WDFY2: variants seen among roughly 807,000 people sequenced by gnomAD.
The protein encoded by WDFY2 is WD repeat and FYVE domain containing 2, also known as WD repeat and FYVE domain-containing protein 2.
WDFY2 carries 36 observed loss-of-function variants against 56.4 expected under a neutral mutation model. The observed-to-expected ratio is 0.64, with a 90% CI of 0.49 to 0.84. The LOEUF is 0.84. Among genes scored for constraint, WDFY2 ranks in the 40% least tolerant of loss-of-function variants. The pLI is 0.00. For missense variants in WDFY2, 444 were observed against 512.2 expected, an observed-to-expected ratio of 0.87 and a Z score of 1.29; for synonymous variants, 176 against 183.7, an observed-to-expected ratio of 0.96 and a Z score of 0.34.
chr13:51,592,275 C>T (rs2138289522), intron 1 of WDFY2: 1 of 152,196 alleles, frequency 6.6e-6, no homozygotes, highest in Non-Finnish European at 1.5e-5. Context: ...TGATGCATCA[C>T]ATCTAAATTA....
At chr13:51,606,535 T>C (rs1416879531) in intron 1 of WDFY2, among the ~76,000 whole-genome samples, 1 of 152,162 alleles carries the variant, frequency 6.6e-6, no homozygotes, top group Non-Finnish European at 1.5e-5. Flanking sequence ...TGTGGAAAAT[T>C]TACCTTTCAC....
intron 3 of WDFY2, among the ~76,000 whole-genome samples, chr13:51,684,372 T>C (rs1257789462): frequency 1.3e-5 from 2 of 151,892 alleles, no homozygotes; most frequent in Admixed American, 1.3e-4. Context: ...TTTGGTGTTT[T>C]TTTTTTTTTT....
At chr13:51,600,845 A>G (rs189732182) in intron 1 of WDFY2, among the ~76,000 whole-genome samples, 118 of 152,312 alleles carry the variant, frequency 7.7e-4, no homozygotes, top group Non-Finnish European at 1.0e-3. Flanking sequence ...TAGCGGAATA[A>G]TGAACACTCA....
intron 3 of WDFY2, among the ~76,000 whole-genome samples, chr13:51,698,174 T>G: frequency 6.6e-6 from 1 of 152,226 alleles, no homozygotes; most frequent in African/African-American, 2.4e-5. Context: ...CACCGTGCTT[T>G]GCTATCTTTA....
intron 1 of WDFY2, among the ~76,000 whole-genome samples, chr13:51,593,008 A>T (rs1179065179): frequency 6.6e-6 from 1 of 152,216 alleles, no homozygotes; most frequent in Non-Finnish European, 1.5e-5. Context: ...ATTACTGCTC[A>T]TAGATCCCTT....
intron 6 of WDFY2, among the ~76,000 whole-genome samples, 164 bp from the exon 7 acceptor site, chr13:51,738,885 G>A (rs1483678404): frequency 6.6e-6 from 1 of 152,080 alleles, no homozygotes; most frequent in East Asian, 1.9e-4. Flanking sequence ...GAATTTCCTT[G>A]GAGCCAACTT....
intron 1 of WDFY2, chr13:51,592,016 T>G (rs1470580958): frequency 1.4e-5 from 2 of 139,474 alleles, no homozygotes; most frequent in African/African-American, 5.1e-5. Flanking sequence ...GGGGGAGGGA[T>G]AGCATTAGGA....
chr13:51,586,808 G>A (rs1048994272), intron 1 of WDFY2: 1 of 152,004 alleles, frequency 6.6e-6, no homozygotes, highest in African/African-American at 2.4e-5. Context: ...TGTTAAATAA[G>A]GTTCACCCAT....
chr13:51,611,606 C>CT (rs1954504562), intron 1 of WDFY2, among the ~76,000 whole-genome samples: 1 of 152,190 alleles, frequency 6.6e-6, no homozygotes, highest in Non-Finnish European at 1.5e-5. Flanking sequence ...CTGCTTCATT[C>CT]TTTCTTGCTG....
At chr13:51,680,106 ATTTG>A (rs1208007327) in intron 3 of WDFY2, among the ~76,000 whole-genome samples, 3 of 151,480 alleles carry the variant, frequency 2.0e-5, no homozygotes, top group African/African-American at 7.3e-5. Context: ...ACGGATGTTT[ATTTG>A]TTTGTTTTAG....
intron 1 of WDFY2, among the ~76,000 whole-genome samples, chr13:51,623,840 G>C (rs1036156683): frequency 2.1e-5 from 3 of 143,242 alleles, no homozygotes; most frequent in Non-Finnish European, 4.6e-5. Context: ...TTTTTACAGA[G>C]TTTTTTTTTT....
chr13:51,753,601 G>C (rs903762028), intron 8 of WDFY2, among the ~76,000 whole-genome samples: 3 of 152,098 alleles, frequency 2.0e-5, no homozygotes, highest in African/African-American at 7.2e-5. Context: ...ACGTGTGTAA[G>C]ACTTTTTTTT....
At chr13:51,584,956 T>G (rs2138272252) in intron 1 of WDFY2, 132 bp downstream of exon 1, 1,073 of 1,107,334 alleles carry the variant, frequency 9.7e-4, no homozygotes, top group East Asian at 1.3e-3. Flanking sequence ...GTAATGCGCA[T>G]CCTGGTGGTG....
At chr13:51,710,523 G>A (rs1952188607) in intron 4 of WDFY2, among the ~76,000 whole-genome samples, 1 of 152,142 alleles carries the variant, frequency 6.6e-6, no homozygotes, top group Non-Finnish European at 1.5e-5. Context: ...TGACATGATT[G>A]TGTATCTAGA....
intron 1 of WDFY2, among the ~76,000 whole-genome samples, chr13:51,627,444 C>T (rs1298915968): frequency 6.6e-6 from 1 of 152,116 alleles, no homozygotes; most frequent in Non-Finnish European, 1.5e-5. Flanking sequence ...TCTTGGCTCA[C>T]TGCAATCTCC....
chr13:51,646,181 G>A (rs536390878), intron 1 of WDFY2, among the ~76,000 whole-genome samples: 3 of 152,300 alleles, frequency 2.0e-5, no homozygotes, highest in East Asian at 1.9e-4. Context: ...AAGAACAAGC[G>A]TGGTTTTGTG....
intron 1 of WDFY2, among the ~76,000 whole-genome samples, chr13:51,617,990 CTA>C (rs1373018460): frequency 1.3e-5 from 2 of 152,340 alleles, no homozygotes; most frequent in South Asian, 2.1e-4. Flanking sequence ...CTTGGTCTAA[CTA>C]TAGATACTAA....
intron 1 of WDFY2, among the ~76,000 whole-genome samples, chr13:51,619,594 A>G (rs888898842): frequency 6.6e-6 from 1 of 152,236 alleles, no homozygotes; most frequent in Non-Finnish European, 1.5e-5. Context: ...AAGGGTCAGA[A>G]CAAACAATGG....
At chr13:51,615,352 TAAA>T (rs535477907) in intron 1 of WDFY2, among the ~76,000 whole-genome samples, 1 of 148,466 alleles carries the variant, frequency 6.7e-6, no homozygotes, top group African/African-American at 2.5e-5. Context: ...CAGTGCAAAT[TAAA>T]AAAAAAACAC....
Sources: allele counts gnomAD v4.1 joint callset (sites outside exome capture counted in the v4.1 genomes callset), GRCh38; gene constraint gnomAD v4.1.1; transcripts MANE v1.5; gene names NCBI Gene and HGNC (gene_info 2026-07-23, HGNC 2026-07-21).